Variants in NAV3 observed in about 807,000 individuals in gnomAD.
NAV3 encodes pore membrane and/or filament interacting like protein 1.
NAV3 carries 87 observed loss-of-function variants against 244.7 expected under a neutral mutation model. That is an observed-to-expected ratio of 0.36 (90% CI 0.30 to 0.42). NAV3 has a LOEUF of 0.42. Ranked by LOEUF, NAV3 falls within the 20% of genes least tolerant of loss-of-function variation. The pLI is 1.00. For synonymous variants in NAV3, 1,126 were observed against 1,042.2 expected (o/e 1.08, Z -1.55); for missense variants, 2,663 against 2,893.3 (o/e 0.92, Z 1.83).
intron 1 of NAV3, among the ~76,000 whole-genome samples, chr12:77,862,651 A>T (rs1192908621): frequency 6.6e-6 from 1 of 151,850 alleles, no homozygotes; most frequent in Non-Finnish European, 1.5e-5. Context: ...AAAAAATTAT[A>T]AAAAAGGGAG....
chr12:77,798,788 T>G (rs1475832312), intron 2 of NAV3, among the ~76,000 whole-genome samples: 2 of 152,178 alleles, frequency 1.3e-5, no homozygotes, highest in Non-Finnish European at 1.5e-5. Context: ...TTACCTCTGT[T>G]GATGTGACAT....
chr12:77,983,837 C>A (rs1156577344), intron 5 of NAV3, among the ~76,000 whole-genome samples: 2 of 152,158 alleles, frequency 1.3e-5, no homozygotes, highest in Admixed American at 1.3e-4. Flanking sequence ...TTGAGAAGTA[C>A]TTCGTCTTCT....
intron 1 of NAV3, among the ~76,000 whole-genome samples, chr12:77,929,640 CTTAT>C (rs1293154037): frequency 5.3e-5 from 8 of 151,312 alleles, no homozygotes; most frequent in African/African-American, 1.9e-4. Flanking sequence ...TATTTATTTA[CTTAT>C]TTATTTTTAT....
At chr12:78,106,842 G>T (rs1194165314) in intron 12 of NAV3, among the ~76,000 whole-genome samples, 3 of 152,130 alleles carry the variant, frequency 2.0e-5, no homozygotes, top group Non-Finnish European at 4.4e-5. Flanking sequence ...CACCACTAGG[G>T]CCTGAAGCCT....
intron 9 of NAV3, among the ~76,000 whole-genome samples, chr12:78,043,654 G>A (rs1881268418): frequency 6.6e-6 from 1 of 152,130 alleles, no homozygotes; most frequent in African/African-American, 2.4e-5. Context: ...TCTCATTGTG[G>A]TTTTGATTTG....
At chr12:77,825,120 A>G (rs1872920470) in intron 2 of NAV3, among the ~76,000 whole-genome samples, 1 of 152,230 alleles carries the variant, frequency 6.6e-6, no homozygotes, top group Admixed American at 6.5e-5. Flanking sequence ...TACCCAGAAA[A>G]TAATTCTTTC....
chr12:77,700,639 G>C (rs969096163), intron 2 of NAV3, among the ~76,000 whole-genome samples: 1 of 151,970 alleles, frequency 6.6e-6, no homozygotes, highest in Non-Finnish European at 1.5e-5. Flanking sequence ...TTACCACTGA[G>C]TATGATTTGT....
upstream of NAV3, among the ~76,000 whole-genome samples, chr12:77,826,700 TGATTTCATTTCTATGA>T (rs548929138): frequency 1.3e-5 from 2 of 152,310 alleles, no homozygotes; most frequent in African/African-American, 4.8e-5. Context: ...AAATACTGAA[TGATTTCATTTCTATGA>T]AATTCTAGAA....
At chr12:77,974,180 A>G (rs1893254111) in intron 5 of NAV3, among the ~76,000 whole-genome samples, 1 of 152,142 alleles carries the variant, frequency 6.6e-6, no homozygotes. Flanking sequence ...ATTTGGCTAT[A>G]TTTGGAGTGA....
At chr12:77,933,343 G>A (rs1889005020) in intron 1 of NAV3, among the ~76,000 whole-genome samples, 1 of 152,164 alleles carries the variant, frequency 6.6e-6, no homozygotes, top group Admixed American at 6.5e-5. Context: ...AGGAGTGGAA[G>A]GGTGAAGAGA....
chr12:77,860,112 C>T (rs1447984225), intron 1 of NAV3, among the ~76,000 whole-genome samples: 1 of 151,768 alleles, frequency 6.6e-6, no homozygotes, highest in Non-Finnish European at 1.5e-5. Flanking sequence ...CATGCTTCTA[C>T]TTTTGTAGCC....
intron 2 of NAV3, among the ~76,000 whole-genome samples, chr12:77,618,691 A>T (rs1871239113): frequency 6.6e-6 from 1 of 152,224 alleles, no homozygotes; most frequent in African/African-American, 2.4e-5. Flanking sequence ...AATGGTAGTA[A>T]TCCTTGAATA....
At chr12:78,089,334 G>A (rs1953802820) in intron 12 of NAV3, among the ~76,000 whole-genome samples, 1 of 152,198 alleles carries the variant, frequency 6.6e-6, no homozygotes, top group African/African-American at 2.4e-5. Context: ...TATTATGAAA[G>A]CATTCAGATG....
intron 30 of NAV3, among the ~76,000 whole-genome samples, chr12:78,183,230 G>A (rs1418683914): frequency 6.6e-6 from 1 of 151,856 alleles, no homozygotes; most frequent in Non-Finnish European, 1.5e-5. Context: ...TGTTTTTCCT[G>A]GAGTTGTTTC....
chr12:77,695,357 C>A (rs749669455), intron 2 of NAV3, among the ~76,000 whole-genome samples: 1 of 152,120 alleles, frequency 6.6e-6, no homozygotes. Context: ...TAGTTTCATT[C>A]TTCTGCATAC....
At chr12:77,915,637 A>G (rs1342651739) in intron 1 of NAV3, among the ~76,000 whole-genome samples, 2 of 152,152 alleles carry the variant, frequency 1.3e-5, no homozygotes, top group African/African-American at 4.8e-5. Flanking sequence ...TGTCAGGATG[A>G]GGAGGGTACA....
rs560546403 is a variant in NAV3, at chr12:77,767,104, A to G, written c.73-173215A>G. ...CTATTAAGAAGCGCGATGGAAAGTC[A>G]GAGAGTCAGAGAGGTAGGCCCAAAC... On this transcript the variant is annotated intron_variant, in intron 2 of 8. Transcript: ENST00000550042. Among the ~76,000 whole-genome samples the G allele has an allele frequency of 3.3e-5, 5 of 152,262 alleles. No homozygotes were observed. In the East Asian group the frequency reaches 7.7e-4, roughly 24 times the overall value.
At chr12:77,601,943 A>G (rs948418855) in intron 2 of NAV3, among the ~76,000 whole-genome samples, 10 of 151,978 alleles carry the variant, frequency 6.6e-5, no homozygotes, top group African/African-American at 2.2e-4. Flanking sequence ...TGCCTTTGAA[A>G]TTCTGGCTTT....
intron 5 of NAV3, among the ~76,000 whole-genome samples, chr12:77,977,911 T>A (rs570700886): frequency 1.2e-4 from 19 of 152,246 alleles, no homozygotes; most frequent in Admixed American, 1.2e-3. Context: ...TCAGTCCAAG[T>A]AAACAAAGGA....
Sources: allele counts gnomAD v4.1 joint callset (sites outside exome capture counted in the v4.1 genomes callset), GRCh38; gene constraint gnomAD v4.1.1; transcripts MANE v1.5; gene names NCBI Gene and HGNC (gene_info 2026-07-23, HGNC 2026-07-21).